The following WDR76 variants were observed in gnomAD, a reference collection of about 807,000 sequenced individuals.
WDR76 encodes the protein WD repeat-containing protein 76.
A neutral mutation model predicts 70.2 loss-of-function variants in WDR76; 52 were observed. That is an observed-to-expected ratio of 0.74 (90% confidence interval 0.59 to 0.93). WDR76 has a LOEUF of 0.93. Among genes scored for constraint, WDR76 ranks in the 40% least tolerant of loss-of-function variants. The pLI, the probability that WDR76 is intolerant of heterozygous loss-of-function variation, is 0.00. For missense variants in WDR76, 756 were observed against 760.2 expected (o/e 0.99, Z 0.07); for synonymous variants, 292 against 271.1 (o/e 1.08, Z -0.76).
chr15:43,861,527 T>C, intron 12 of WDR76, 141 bp downstream of exon 12: 1 of 831,834 alleles, frequency 1.2e-6, no homozygotes, highest in South Asian at 1.7e-5. Flanking sequence ...CCCAGTTTGC[T>C]AGTTCCTATC....
chr15:43,827,576 ACT>A (rs1436027478), intron 1 of WDR76, among the ~76,000 whole-genome samples: 1 of 151,978 alleles, frequency 6.6e-6, no homozygotes, highest in Non-Finnish European at 1.5e-5. Context: ...CTTAAGTCTC[ACT>A]CTGTTGCCCA....
chr15:43,848,711 C>T (rs1174841124), intron 8 of WDR76, among the ~76,000 whole-genome samples: 1 of 152,072 alleles, frequency 6.6e-6, no homozygotes, highest in Non-Finnish European at 1.5e-5. Context: ...GAGGCTGAGG[C>T]AGGTGAATCA....
intron 8 of WDR76, among the ~76,000 whole-genome samples, chr15:43,846,739 C>T (rs1394924661): frequency 1.3e-5 from 2 of 151,766 alleles, no homozygotes; most frequent in African/African-American, 4.8e-5. Flanking sequence ...ATCTGTATTA[C>T]AGCCGGACGC....
chr15:43,827,924 T>C, intron 1 of WDR76, 41 bp from the exon 2 acceptor site: 1 of 1,530,742 alleles, frequency 6.5e-7, no homozygotes, highest in Non-Finnish European at 8.8e-7. Context: ...GCACAGGACT[T>C]GGAGTTCTAA....
chr15:43,856,189 T>C (rs906890911), intron 9 of WDR76, among the ~76,000 whole-genome samples: 2 of 152,164 alleles, frequency 1.3e-5, no homozygotes, highest in African/African-American at 2.4e-5. Context: ...AGATCTCTCT[T>C]GGTGGATATT....
chr15:43,846,268 A>C (rs2087786956), intron 8 of WDR76, among the ~76,000 whole-genome samples: 1 of 135,838 alleles, frequency 7.4e-6, no homozygotes, highest in Non-Finnish European at 1.7e-5. Context: ...CTGGAGAAGC[A>C]TTGGATAGAG....
At chr15:43,861,138 C>G (rs893520525) in intron 11 of WDR76, among the ~76,000 whole-genome samples, 195 bp from the exon 12 acceptor site, 1 of 152,024 alleles carries the variant, frequency 6.6e-6, no homozygotes, top group Non-Finnish European at 1.5e-5. Context: ...AGGTTGGTCT[C>G]AAACTCTTGG....
intron 12 of WDR76, among the ~76,000 whole-genome samples, chr15:43,862,681 T>C (rs1460963081): frequency 1.3e-5 from 2 of 150,558 alleles, no homozygotes; most frequent in African/African-American, 4.9e-5. Flanking sequence ...GCGAATTTTT[T>C]GTATTTTTAG....
chr15:43,829,538 G>A (rs1162333344), intron 2 of WDR76, among the ~76,000 whole-genome samples: 1 of 87,980 alleles, frequency 1.1e-5, no homozygotes, highest in South Asian at 4.0e-4. Flanking sequence ...GACGAGTCTT[G>A]TTCTGTTGCC....
intron 5 of WDR76, among the ~76,000 whole-genome samples, chr15:43,840,131 T>C (rs978584228): frequency 1.3e-5 from 2 of 152,182 alleles, no homozygotes; most frequent in East Asian, 3.8e-4. Flanking sequence ...AGTGCTGGGA[T>C]TACAGGTGTG....
Position 43,865,023 on chromosome 15 carries a change from C to A in WDR76, c.1617-1105C>A, listed in dbSNP as rs540017361. Among the ~76,000 whole-genome samples, 410 of 152,332 alleles carry A rather than the reference C, an allele frequency of 2.7e-3. 4 individuals carry two copies. The highest frequency in any genetic ancestry group is 9.3e-3 in the African/African-American group (386 of 41,578). On this transcript the variant is annotated intron_variant, in intron 12 of 12. Coordinates refer to ENST00000263795, the MANE Select transcript of WDR76 (RefSeq NM_024908.4). ...CGCTGCAACCTCCACCTCCCGGGTT[C>A]AAGCAATTCTGCCTCAGCCTCCCCA...
intron 9 of WDR76, among the ~76,000 whole-genome samples, chr15:43,853,781 C>T (rs1019368406): frequency 1.3e-5 from 2 of 151,892 alleles, no homozygotes; most frequent in African/African-American, 4.8e-5. Flanking sequence ...TGGCAGGCAC[C>T]TGTAGTCCCA....
At chr15:43,838,237 G>T (rs2087682189) in intron 4 of WDR76, among the ~76,000 whole-genome samples, 1 of 151,876 alleles carries the variant, frequency 6.6e-6, no homozygotes, top group South Asian at 2.1e-4. Flanking sequence ...CCAGGCTGGA[G>T]TACAGTGGTG....
Position 43,851,068 on chromosome 15 carries a change from T to G in WDR76, c.1033-19T>G, listed in dbSNP as rs1205893697. On this transcript the variant is annotated intron_variant, in intron 8 of 12. Transcript: ENST00000263795. ...CACTAGTTTTTTTCTCTCTCCCCTT[T>G]CCCGCAACTCTCTTCCAGACCCAGC... The G allele has an allele frequency of 1.2e-6, 2 of 1,611,370 alleles. No homozygotes were observed. The highest frequency in any genetic ancestry group is 1.7e-6 in the Non-Finnish European group (2 of 1,178,280).
At chr15:43,848,057 C>G (rs1404165822) in intron 8 of WDR76, among the ~76,000 whole-genome samples, 4 of 150,470 alleles carry the variant, frequency 2.7e-5, no homozygotes, top group African/African-American at 9.9e-5. Context: ...AGTGAGATGC[C>G]TGTCTCTTAA....
In WDR76 at chr15:43,845,385, A is replaced by G. The variant is rs2087775953; in HGVS notation, c.1032+1331A>G. On this transcript the variant is annotated intron_variant, in intron 8 of 12. Transcript: ENST00000263795. ...AGGACCTTTGGGAGGTGATTAGGTC[A>G]TGAATAAGATTAGTGCCCTTATAAA... Among the ~76,000 whole-genome samples, 2 of 150,338 alleles carry G rather than the reference A, an allele frequency of 1.3e-5. 1 individual carries two copies. Among genetic ancestry groups the G allele is most frequent in the Non-Finnish European group, 3.0e-5 (2 of 67,068 alleles).
At chr15:43,840,931 T>A (rs1322949936) in intron 5 of WDR76, among the ~76,000 whole-genome samples, 1 of 151,748 alleles carries the variant, frequency 6.6e-6, no homozygotes, top group Non-Finnish European at 1.5e-5. Context: ...ATATATATAT[T>A]TATTTACATT....
At chr15:43,857,425 T>C in intron 10 of WDR76, 1 of 980,272 alleles carries the variant, frequency 1.0e-6, no homozygotes, top group Non-Finnish European at 1.2e-6. Context: ...ATTCGCCTCT[T>C]ATGAGAAGAA....
chr15:43,865,561 G>A (rs182374021), intron 12 of WDR76, among the ~76,000 whole-genome samples: 32 of 152,182 alleles, frequency 2.1e-4, no homozygotes, highest in Admixed American at 1.6e-3. Context: ...GTGAGCCACT[G>A]TACCTGGCCA....
Sources: allele counts gnomAD v4.1 joint callset (sites outside exome capture counted in the v4.1 genomes callset), GRCh38; gene constraint gnomAD v4.1.1; transcripts MANE v1.5; gene names NCBI Gene and HGNC (gene_info 2026-07-23, HGNC 2026-07-21).